The following SDCCAG8 variants were observed in gnomAD, a reference collection of about 807,000 sequenced individuals.
The protein encoded by SDCCAG8 is serologically defined colon cancer antigen 8.
In SDCCAG8, 74 loss-of-function variants were observed where a neutral mutation model predicts 101.8. The observed-to-expected ratio is 0.73, with a 90% CI of 0.60 to 0.88. SDCCAG8 has a LOEUF of 0.88. Ranked by LOEUF, SDCCAG8 falls within the 40% of genes least tolerant of loss-of-function variation. The probability of loss-of-function intolerance (pLI) is 0.00; values close to 1 mark genes in which losing one functional copy is unlikely to be tolerated. For synonymous variants in SDCCAG8, 281 were observed against 292.9 expected (o/e 0.96, Z 0.41); for missense variants, 787 against 822.6 (o/e 0.96, Z 0.53).
intron 17 of SDCCAG8, among the ~76,000 whole-genome samples, chr1:243,492,030 C>T (rs1435855319): frequency 6.6e-5 from 10 of 152,102 alleles, no homozygotes; most frequent in East Asian, 1.9e-4. Context: ...TCCTGAGCCC[C>T]GCTGCCCCTG....
At chr1:243,285,032 G>A (rs59308907) in intron 4 of SDCCAG8, among the ~76,000 whole-genome samples, 535 of 152,164 alleles carry the variant, frequency 3.5e-3, no homozygotes, top group African/African-American at 0.012. Context: ...ACAGGCGTGT[G>A]CCATCACACC....
At chr1:243,394,287 G>A (rs903798975) in intron 13 of SDCCAG8, among the ~76,000 whole-genome samples, 2 of 152,074 alleles carry the variant, frequency 1.3e-5, no homozygotes, top group African/African-American at 4.8e-5. Context: ...AATCTAATTT[G>A]GTGCTGTCAA....
intron 12 of SDCCAG8, among the ~76,000 whole-genome samples, chr1:243,378,412 T>C (rs1408264902): frequency 6.6e-6 from 1 of 152,164 alleles, no homozygotes; most frequent in Non-Finnish European, 1.5e-5. Flanking sequence ...AAGGCAGTGG[T>C]ATTTTAAGTA....
intron 12 of SDCCAG8, among the ~76,000 whole-genome samples, chr1:243,375,396 A>T (rs1016038449): frequency 6.6e-6 from 1 of 152,134 alleles, no homozygotes; most frequent in Non-Finnish European, 1.5e-5. Context: ...AATTTAATCA[A>T]CAATAAAAAG....
In SDCCAG8 at chr1:243,448,120, G is replaced by C. The variant is rs193184409; in HGVS notation, c.1985+21562G>C. Among the ~76,000 whole-genome samples the C allele has an allele frequency of 2.9e-3, 446 of 152,276 alleles. 4 individuals are homozygous for C. Among genetic ancestry groups the C allele is most frequent in the East Asian group, 0.025 (130 of 5,174 alleles). The stretch of plus-strand genomic sequence containing the variant: ...ATGGCTGTAGCTGCTGCAGGCACCC[G>C]CATTGCTGAACAATGGGAGGTGTCA... On this transcript the variant is annotated intron_variant, in intron 16 of 17. Coordinates refer to ENST00000366541, the MANE Select transcript of SDCCAG8 (RefSeq NM_006642.5).
chr1:243,471,718 G>A lies in SDCCAG8; in HGVS notation c.1986-17296G>A, dbSNP rs553642091. Among the ~76,000 whole-genome samples, 24 of 152,100 alleles carry A rather than the reference G, an allele frequency of 1.6e-4. No individual in the cohort carries two copies. The East Asian group carries it at 3.7e-3, about 23-fold the overall frequency. On this transcript the variant is annotated intron_variant, in intron 16 of 17. Transcript: ENST00000366541. ...ATGAGTTAACTGGGAGTTTTACGTC[G>A]TCCTAGGTGTTAAGCACATGAGAAA...
rs564939180 is a variant in SDCCAG8 at position 243,473,603 on chromosome 1, G to C, written c.1986-15411G>C. On this transcript the variant is annotated intron_variant, in intron 16 of 17. Coordinates refer to ENST00000366541, the MANE Select transcript of SDCCAG8 (RefSeq NM_006642.5). ...CAGATTGTGTTAGAAAAATCTCACT[G>C]TCTCCGAGTGGAATTAATATACTGA... is the stretch of plus-strand genomic sequence containing the variant. Among the ~76,000 whole-genome samples, 4 of 152,278 alleles carry C rather than the reference G, an allele frequency of 2.6e-5. No homozygotes were observed. The South Asian group carries it at 8.3e-4, about 32-fold the overall frequency.
chr1:243,302,684 C>G (rs541133076), intron 6 of SDCCAG8, among the ~76,000 whole-genome samples: 2 of 152,166 alleles, frequency 1.3e-5, no homozygotes, highest in African/African-American at 4.8e-5. Context: ...GCTCTGGCCA[C>G]GCAGAACCCC....
intron 9 of SDCCAG8, among the ~76,000 whole-genome samples, chr1:243,326,026 G>A (rs2074122447): frequency 6.6e-6 from 1 of 151,718 alleles, no homozygotes; most frequent in African/African-American, 2.4e-5. Context: ...AAGGGAAATT[G>A]TTGAGAGGTA....
At chr1:243,295,693 T>C (rs1206015144) in intron 6 of SDCCAG8, among the ~76,000 whole-genome samples, 2 of 152,218 alleles carry the variant, frequency 1.3e-5, no homozygotes, top group African/African-American at 4.8e-5. Context: ...CTTCTTACCC[T>C]CTACCTATTG....
chr1:243,491,233 A>G (rs1177908594), intron 17 of SDCCAG8, among the ~76,000 whole-genome samples: 1 of 152,202 alleles, frequency 6.6e-6, no homozygotes, highest in East Asian at 1.9e-4. Context: ...AAATCTGGCT[A>G]TTGCCAAATG....
intron 15 of SDCCAG8, among the ~76,000 whole-genome samples, chr1:243,426,007 T>A (rs893287996): frequency 6.6e-6 from 1 of 152,236 alleles, no homozygotes; most frequent in African/African-American, 2.4e-5. Flanking sequence ...GAACTATTTT[T>A]ATTTTAACTG....
chr1:243,337,267 C>A (rs374547680), intron 10 of SDCCAG8, among the ~76,000 whole-genome samples: 1 of 152,188 alleles, frequency 6.6e-6, no homozygotes, highest in Non-Finnish European at 1.5e-5. Flanking sequence ...AATAGGGAAT[C>A]CTTTCCCCAT....
At chr1:243,323,883 G>GT (rs1195343959) in intron 9 of SDCCAG8, among the ~76,000 whole-genome samples, 3 of 152,104 alleles carry the variant, frequency 2.0e-5, no homozygotes, top group Non-Finnish European at 4.4e-5. Flanking sequence ...TAGCTGATAT[G>GT]TTACTCTCAT....
At chr1:243,283,888 G>C (rs2069323026) in intron 4 of SDCCAG8, among the ~76,000 whole-genome samples, 1 of 152,028 alleles carries the variant, frequency 6.6e-6, no homozygotes, top group South Asian at 2.1e-4. Context: ...TAACAGGCAT[G>C]CACCACCACC....
intron 6 of SDCCAG8, among the ~76,000 whole-genome samples, chr1:243,303,619 T>C (rs958457128): frequency 5.9e-5 from 9 of 152,236 alleles, no homozygotes; most frequent in Non-Finnish European, 1.0e-4. Flanking sequence ...CTTTTCCTTA[T>C]GATTTTCCTA....
intron 4 of SDCCAG8, among the ~76,000 whole-genome samples, chr1:243,282,067 T>C (rs746398118): frequency 3.9e-5 from 6 of 152,194 alleles, no homozygotes; most frequent in Non-Finnish European, 8.8e-5. Context: ...CACTGCAACC[T>C]CTGCCTCCTG....
At chr1:243,352,682 T>A (rs2076146411) in intron 12 of SDCCAG8, among the ~76,000 whole-genome samples, 1 of 152,208 alleles carries the variant, frequency 6.6e-6, no homozygotes, top group African/African-American at 2.4e-5. Context: ...TTTAAAAAAA[T>A]TTATTGTATA....
chr1:243,335,607 C>T (rs185870937), intron 10 of SDCCAG8, among the ~76,000 whole-genome samples: 79 of 152,178 alleles, frequency 5.2e-4, no homozygotes, highest in African/African-American at 1.7e-3. Context: ...AGAAATGCAG[C>T]ACATTTTTTA....
Sources: gnomAD v4.1 joint callset for allele counts (sites outside exome capture counted in the v4.1 genomes callset) on GRCh38, gnomAD v4.1.1 for gene constraint, MANE v1.5 for transcripts, NCBI Gene and HGNC (gene_info 2026-07-23, HGNC 2026-07-21) for gene names.